BICC1: variants seen among roughly 807,000 people sequenced by gnomAD.
BICC1 encodes protein bicaudal C homolog 1.
Under a neutral mutation model 111.0 loss-of-function variants are expected in BICC1, and 43 were observed. The ratio of observed to expected loss-of-function variants is 0.39; its 90% CI spans 0.30 to 0.50. The LOEUF (loss-of-function observed/expected upper bound fraction) is 0.50, where lower values mean the gene tolerates loss of function less well. BICC1 is among the 20% of genes least tolerant of loss of function. BICC1 has a pLI of 0.88. For missense variants in BICC1, 1,091 were observed against 1,203.2 expected, an observed-to-expected ratio of 0.91 and a Z score of 1.38; for synonymous variants, 467 against 434.4, an observed-to-expected ratio of 1.07 and a Z score of -0.93.
chr10:58,731,453 A>G (rs1841292503), intron 3 of BICC1, among the ~76,000 whole-genome samples: 1 of 151,952 alleles, frequency 6.6e-6, no homozygotes, highest in South Asian at 2.1e-4. Context: ...TTGCTTCCAC[A>G]TTTTCAGGTA....
chr10:58,610,443 A>T (rs1000784123), intron 1 of BICC1, among the ~76,000 whole-genome samples: 4 of 152,160 alleles, frequency 2.6e-5, no homozygotes, highest in Non-Finnish European at 4.4e-5. Context: ...CCACTGTTAG[A>T]CAGATTAGGA....
chr10:58,525,809 G>A (rs999500180), intron 1 of BICC1, among the ~76,000 whole-genome samples: 1 of 151,934 alleles, frequency 6.6e-6, no homozygotes, highest in Admixed American at 6.6e-5. Context: ...TTTCTGCCTT[G>A]AATTAGAGTT....
chr10:58,799,084 T>A lies in BICC1; in HGVS notation c.1557T>A (p.Ile519=), dbSNP rs1196839597. 6.2e-7 allele frequency: 1 copy of A among 1,612,200 alleles called. No homozygotes were observed. Among genetic ancestry groups the A allele is most frequent in the Admixed American group, 1.7e-5 (1 of 59,940 alleles). The change falls in exon 12 of 21, where the codon ATT becomes ATA. Residue 519 remains isoleucine, a synonymous_variant. Coordinates refer to ENST00000373886, the MANE Select transcript of BICC1 (RefSeq NM_001080512.3). ...TTTCTGCTATACCACACCTTATGATTCCATCTACTGCCCAAGCCACATTAA... is the reference window on the plus strand; with the variant it reads ...TTTCTGCTATACCACACCTTATGATACCATCTACTGCCCAAGCCACATTAA... ...TGFSAIPHLM[I]PSTAQATLTN...
intron 1 of BICC1, among the ~76,000 whole-genome samples, chr10:58,519,816 A>C (rs568956415): frequency 7.9e-5 from 12 of 152,244 alleles, no homozygotes; most frequent in Non-Finnish European, 1.2e-4. Context: ...CTATCTCTAA[A>C]AATTCTCCAT....
intron 3 of BICC1, among the ~76,000 whole-genome samples, chr10:58,754,898 A>G (rs1241175316): frequency 6.6e-6 from 1 of 152,126 alleles, no homozygotes; most frequent in Non-Finnish European, 1.5e-5. Flanking sequence ...CCTTAATGCC[A>G]TTGGTCCTTA....
intron 3 of BICC1, among the ~76,000 whole-genome samples, chr10:58,767,836 CAG>C (rs553407902): frequency 2.4e-4 from 37 of 151,900 alleles, no homozygotes; most frequent in African/African-American, 7.7e-4. Context: ...AAAAATGCAT[CAG>C]AGAGAGTCAA....
chr10:58,556,385 A>C (rs1444870768), intron 1 of BICC1, among the ~76,000 whole-genome samples: 2 of 152,142 alleles, frequency 1.3e-5, no homozygotes, highest in African/African-American at 4.8e-5. Context: ...TTGATGGGCC[A>C]TAAATCCCCT....
chr10:58,627,872 A>G (rs1837678273), intron 2 of BICC1, among the ~76,000 whole-genome samples: 1 of 152,186 alleles, frequency 6.6e-6, no homozygotes, highest in Non-Finnish European at 1.5e-5. Flanking sequence ...ATAAAATTAA[A>G]AATAACCTAA....
Position 58,644,700 on chromosome 10 carries a change from T to G in BICC1, c.237+23799T>G, listed in dbSNP as rs114992951. Among the ~76,000 whole-genome samples the G allele has an allele frequency of 4.0e-3, 615 of 152,282 alleles. 3 individuals are homozygous for G. The highest frequency in any genetic ancestry group is 0.014 in the African/African-American group (593 of 41,564). On this transcript the variant is annotated intron_variant, in intron 2 of 20. Coordinates refer to ENST00000373886, the MANE Select transcript of BICC1 (RefSeq NM_001080512.3). ...TAAGCTTCGAAAATTGAATTGAATT[T>G]AATTTGGCCAACGTTGTCAGGAAGG...
intron 1 of BICC1, among the ~76,000 whole-genome samples, chr10:58,592,770 A>G (rs190222127): frequency 0.013 from 1,949 of 150,108 alleles, 45 homozygotes; most frequent in African/African-American, 0.045. Flanking sequence ...CCAGCTACTC[A>G]GGAGGCTGAA....
chr10:58,766,169 C>G (rs558604590), intron 3 of BICC1, among the ~76,000 whole-genome samples: 22 of 152,190 alleles, frequency 1.4e-4, no homozygotes, highest in African/African-American at 5.1e-4. Flanking sequence ...TGCTGCTTAG[C>G]ATCTGGTAGT....
intron 2 of BICC1, among the ~76,000 whole-genome samples, chr10:58,694,133 C>T (rs935983740): frequency 6.6e-6 from 1 of 152,126 alleles, no homozygotes; most frequent in African/African-American, 2.4e-5. Flanking sequence ...ATCTCCTTCT[C>T]CTGTTCTCAT....
chr10:58,675,519 G>A (rs1259109205), intron 2 of BICC1, among the ~76,000 whole-genome samples: 1 of 152,040 alleles, frequency 6.6e-6, no homozygotes, highest in Non-Finnish European at 1.5e-5. Flanking sequence ...AACCAGACAT[G>A]GAAAGGCAGA....
chr10:58,535,819 T>A lies in BICC1; in HGVS notation c.190+22486T>A, dbSNP rs957511342. ...AAATCGTCACAAACCAAATATCTGC[T>A]GTCTTCAGGAGACACATCTAACACA... On this transcript the variant is annotated intron_variant, in intron 1 of 20. Transcript: ENST00000373886. 7.3e-5 allele frequency among the ~76,000 whole-genome samples: 11 copies of A among 151,692 alleles called. No individual in the cohort carries two copies. In the East Asian group the frequency reaches 2.1e-3, roughly 29 times the overall value.
chr10:58,690,149 C>T (rs760371093), intron 2 of BICC1, among the ~76,000 whole-genome samples: 36 of 152,268 alleles, frequency 2.4e-4, no homozygotes, highest in Admixed American at 9.8e-4. Context: ...CATACACACA[C>T]CCCCTTCCTT....
intron 3 of BICC1, among the ~76,000 whole-genome samples, chr10:58,727,109 G>T (rs1244074935): frequency 6.6e-6 from 1 of 152,138 alleles, no homozygotes; most frequent in Non-Finnish European, 1.5e-5. Flanking sequence ...TTTAAAAAAT[G>T]ATAGAATTTA....
At chr10:58,561,626 G>T (rs1212973104) in intron 1 of BICC1, among the ~76,000 whole-genome samples, 1 of 151,920 alleles carries the variant, frequency 6.6e-6, no homozygotes, top group African/African-American at 2.4e-5. Flanking sequence ...TGTATCATTT[G>T]TTCTTTTCTT....
At chr10:58,551,072 T>C (rs2131914266) in intron 1 of BICC1, among the ~76,000 whole-genome samples, 1 of 152,320 alleles carries the variant, frequency 6.6e-6, no homozygotes, top group South Asian at 2.1e-4. Context: ...TTCTGACATA[T>C]GATATACTTG....
intron 3 of BICC1, among the ~76,000 whole-genome samples, chr10:58,712,374 T>C (rs956537664): frequency 1.3e-5 from 2 of 152,172 alleles, no homozygotes; most frequent in African/African-American, 4.8e-5. Flanking sequence ...AGTTGAAAAC[T>C]TATGTCTGCA....
Sources: gnomAD v4.1 joint callset for allele counts (sites outside exome capture counted in the v4.1 genomes callset) on GRCh38, gnomAD v4.1.1 for gene constraint, MANE v1.5 for transcripts, NCBI Gene and HGNC (gene_info 2026-07-23, HGNC 2026-07-21) for gene names.